The following MEGF11 variants were observed in gnomAD, a reference collection of about 807,000 sequenced individuals.
MEGF11 encodes the protein multiple epidermal growth factor-like domains protein 11.
Under a neutral mutation model 146.6 loss-of-function variants are expected in MEGF11, and 126 were observed. The observed-to-expected ratio is 0.86, with a 90% CI of 0.74 to 1.00. The LOEUF (loss-of-function observed/expected upper bound fraction) is 1.00, where lower values mean the gene tolerates loss of function less well. Among genes scored for constraint, MEGF11 ranks in the 50% least tolerant of loss-of-function variants. The pLI is 0.00. For synonymous variants in MEGF11, 532 were observed against 583.4 expected (o/e 0.91, Z 1.27); for missense variants, 1,509 against 1,521.2 (o/e 0.99, Z 0.13).
rs2078372815 is a variant in MEGF11 at position 65,897,130 on chromosome 15, C to T, written c.*804G>A. The stretch of plus-strand genomic sequence containing the variant: ...GAGCTCTGTTTTACATGGAATGATT[C>T]AGGTGTCGGATGGACTAAGTAGATA... On this transcript the variant is annotated 3_prime_UTR_variant, in exon 26 of 26. Transcript: ENST00000395614. 1 of 152,180 alleles carries T rather than the reference C, an allele frequency of 6.6e-6. No homozygotes were observed. The highest frequency in any genetic ancestry group is 2.4e-5 in the African/African-American group (1 of 41,440). 9.4% of individuals were successfully genotyped at this position (152,180 alleles called of 1,614,324 possible).
intron 4 of MEGF11, among the ~76,000 whole-genome samples, chr15:66,099,392 C>T (rs1480601482): frequency 6.6e-6 from 1 of 152,030 alleles, no homozygotes; most frequent in Non-Finnish European, 1.5e-5. Flanking sequence ...ACCATGTTGG[C>T]CAGGCTGGTC....
chr15:65,965,603 T>TCTTTCTTTCTTTCTTTCTTTC (rs769147313), intron 8 of MEGF11, among the ~76,000 whole-genome samples: 2 of 72,180 alleles, frequency 2.8e-5, no homozygotes, highest in African/African-American at 9.1e-5. Flanking sequence ...TTTCTTTCTT[T>TCTTTCTTTCTTTCTTTCTTTC]TTTTTTTTTC....
intron 7 of MEGF11, among the ~76,000 whole-genome samples, chr15:65,972,524 C>T (rs1470694657): frequency 6.6e-6 from 1 of 151,336 alleles, no homozygotes; most frequent in East Asian, 2.0e-4. Context: ...GCCTAGGCAA[C>T]AAAGCAAGAT....
At chr15:66,038,555 A>C (rs1361664296) in intron 5 of MEGF11, among the ~76,000 whole-genome samples, 1 of 152,196 alleles carries the variant, frequency 6.6e-6, no homozygotes, top group Non-Finnish European at 1.5e-5. Flanking sequence ...GAGGCTGTTC[A>C]AGCACATCCC....
intron 5 of MEGF11, among the ~76,000 whole-genome samples, chr15:66,030,490 A>G (rs568149855): frequency 6.6e-6 from 1 of 152,108 alleles, no homozygotes; most frequent in Admixed American, 6.6e-5. Flanking sequence ...GCTCACTGCA[A>G]TCTCCACCTC....
chr15:66,122,104 A>G (rs961123852), intron 3 of MEGF11, among the ~76,000 whole-genome samples: 3 of 152,078 alleles, frequency 2.0e-5, no homozygotes, highest in Non-Finnish European at 4.4e-5. Flanking sequence ...CTCTACTAAA[A>G]ATACAAAAAT....
chr15:66,094,176 C>T (rs541924334), intron 5 of MEGF11, among the ~76,000 whole-genome samples: 1 of 152,312 alleles, frequency 6.6e-6, no homozygotes, highest in South Asian at 2.1e-4. Context: ...CAATTCCCTA[C>T]ACATACAACA....
At chr15:65,944,095 A>G (rs1431042065) in intron 10 of MEGF11, among the ~76,000 whole-genome samples, 2 of 152,206 alleles carry the variant, frequency 1.3e-5, no homozygotes, top group South Asian at 2.1e-4. Flanking sequence ...TATTCAACAC[A>G]TATTTACTGA....
chr15:66,168,627 T>C (rs1420455144), intron 1 of MEGF11, among the ~76,000 whole-genome samples: 1 of 152,212 alleles, frequency 6.6e-6, no homozygotes, highest in African/African-American at 2.4e-5. Flanking sequence ...ATAGGCCACA[T>C]GTTGAAGGAA....
chr15:66,247,333 A>C (rs1050752693), intron 1 of MEGF11, among the ~76,000 whole-genome samples: 1 of 152,224 alleles, frequency 6.6e-6, no homozygotes, highest in Non-Finnish European at 1.5e-5. Flanking sequence ...ATTTACAAAT[A>C]ATCTTCTACT....
intron 1 of MEGF11, among the ~76,000 whole-genome samples, chr15:66,143,646 A>G (rs1031708250): frequency 3.6e-4 from 55 of 152,244 alleles, no homozygotes; most frequent in African/African-American, 1.3e-3. Flanking sequence ...CCGGAAGTTG[A>G]CTTTCTTCTC....
intron 1 of MEGF11, among the ~76,000 whole-genome samples, chr15:66,164,104 G>A (rs2090034146): frequency 6.6e-6 from 1 of 152,154 alleles, no homozygotes; most frequent in African/African-American, 2.4e-5. Context: ...GGGTGGGGTG[G>A]GGTGGAGGTC....
intron 5 of MEGF11, among the ~76,000 whole-genome samples, chr15:66,057,855 C>G (rs1264035722): frequency 6.6e-6 from 1 of 152,178 alleles, no homozygotes; most frequent in Non-Finnish European, 1.5e-5. Context: ...ACGAAAACCC[C>G]CTTTCAGCAG....
At chr15:65,907,289 A>G (rs947349948) in intron 23 of MEGF11, among the ~76,000 whole-genome samples, 1 of 150,038 alleles carries the variant, frequency 6.7e-6, no homozygotes, top group Non-Finnish European at 1.5e-5. Flanking sequence ...TAAGTTTGCT[A>G]TTTTTCTTTT....
At chr15:66,055,747 C>T (rs978948159) in intron 5 of MEGF11, among the ~76,000 whole-genome samples, 4 of 152,156 alleles carry the variant, frequency 2.6e-5, no homozygotes, top group Middle Eastern at 3.2e-3. Flanking sequence ...TATTAAATCA[C>T]AATGGTGGGA....
chr15:66,022,506 C>T (rs2083182604), intron 5 of MEGF11, among the ~76,000 whole-genome samples: 1 of 152,170 alleles, frequency 6.6e-6, no homozygotes, highest in Non-Finnish European at 1.5e-5. Flanking sequence ...CATACTGTGG[C>T]CCAGTGCATG....
intron 7 of MEGF11, among the ~76,000 whole-genome samples, chr15:65,971,440 C>A (rs563031180): frequency 1.3e-5 from 2 of 152,302 alleles, no homozygotes; most frequent in African/African-American, 4.8e-5. Context: ...TCTCTGCCCC[C>A]ACCTTGAATA....
chr15:65,928,310 T>G, intron 13 of MEGF11, 115 bp downstream of exon 13: 2 of 593,664 alleles, frequency 3.4e-6, no homozygotes, highest in Non-Finnish European at 6.0e-6. Context: ...AAGGGAAAGA[T>G]GCATACTCAG....
At chr15:66,215,203 C>A (rs1056405317) in intron 1 of MEGF11, among the ~76,000 whole-genome samples, 2 of 152,164 alleles carry the variant, frequency 1.3e-5, no homozygotes, top group Admixed American at 1.3e-4. Context: ...ACTATCCCAG[C>A]ATCTTTACCT....
Sources: gnomAD v4.1 joint callset for allele counts (sites outside exome capture counted in the v4.1 genomes callset) on GRCh38, gnomAD v4.1.1 for gene constraint, MANE v1.5 for transcripts, NCBI Gene and HGNC (gene_info 2026-07-23, HGNC 2026-07-21) for gene names.